Variants in PCDH15 observed in about 807,000 individuals in gnomAD.
The protein encoded by PCDH15 is protocadherin related 15.
In PCDH15, 129 loss-of-function variants were observed where a neutral mutation model predicts 178.5. The observed-to-expected ratio is 0.72, with a 90% CI of 0.63 to 0.84. The LOEUF (loss-of-function observed/expected upper bound fraction) is 0.84. PCDH15 is among the 40% of genes least tolerant of loss of function. The probability of loss-of-function intolerance (pLI) is 0.00; values close to 1 mark genes in which losing one functional copy is unlikely to be tolerated. For missense variants in PCDH15, 2,230 were observed against 2,099.9 expected (o/e 1.06, Z -1.21); for synonymous variants, 800 against 732.0 (o/e 1.09, Z -1.50).
rs2085996668 is a variant in PCDH15, at chr10:53,940,851, T to C, written c.3232+15A>G. ...ACTGGTTGATGGTGAGAACACAAAC[T>C]AAAAGTCTACTCACCTTCTTCATTT... On this transcript the variant is annotated intron_variant, in intron 24 of 37. Transcript: ENST00000644397. 2 of 1,571,604 alleles carry C rather than the reference T, an allele frequency of 1.3e-6. No individual in the cohort carries two copies. The highest frequency in any genetic ancestry group is 2.7e-5 in the African/African-American group (2 of 73,934).
At chr10:55,348,169 A>G (rs1844813587) in intron 2 of PCDH15, among the ~76,000 whole-genome samples, 1 of 152,152 alleles carries the variant, frequency 6.6e-6, no homozygotes, top group Admixed American at 6.6e-5. Flanking sequence ...AATATTATAG[A>G]CATTTAGCTA....
chr10:54,957,218 G>T (rs1435872535), intron 2 of PCDH15, among the ~76,000 whole-genome samples: 10 of 151,448 alleles, frequency 6.6e-5, no homozygotes. Context: ...AATTGTATAG[G>T]CAGAGTAAAT....
chr10:54,012,166 G>A (rs1160569432), intron 20 of PCDH15, among the ~76,000 whole-genome samples: 2 of 152,162 alleles, frequency 1.3e-5, no homozygotes, highest in East Asian at 1.9e-4. Context: ...CAGCAGAAGA[G>A]ACCAAACTAA....
At chr10:54,824,733 C>A (rs980685220) in intron 3 of PCDH15, among the ~76,000 whole-genome samples, 1 of 151,942 alleles carries the variant, frequency 6.6e-6, no homozygotes, top group South Asian at 2.1e-4. Flanking sequence ...TTATTTAACC[C>A]CAAAGCTCAG....
At chr10:53,847,250 C>T (rs1251360766) in intron 28 of PCDH15, among the ~76,000 whole-genome samples, 4 of 152,164 alleles carry the variant, frequency 2.6e-5, no homozygotes, top group African/African-American at 9.6e-5. Flanking sequence ...CTTCAGATTT[C>T]ATGATTATAA....
chr10:55,465,413 A>G (rs1839811486), intron 2 of PCDH15, among the ~76,000 whole-genome samples: 1 of 152,138 alleles, frequency 6.6e-6, no homozygotes, highest in Non-Finnish European at 1.5e-5. Context: ...TTAGCCAGAG[A>G]GAGTACTGGT....
rs552345790 is a variant in PCDH15 at position 54,869,230 on chromosome 10, T to C, written c.-29+28220A>G. ...ACAAAGAAGGCAGGGATTGGAGTTA[T>C]GCAGCTACAAGCCAAAGAATGCCAA... On this transcript the variant is annotated intron_variant, in intron 3 of 5. Transcript: ENST00000458638. 2.0e-5 allele frequency: 3 copies of C among 152,122 alleles called. No individual in the cohort carries two copies. The South Asian group carries it at 6.2e-4, about 31-fold the overall frequency. 9.4% of individuals were successfully genotyped at this position (152,122 alleles called of 1,614,324 possible).
intron 32 of PCDH15, among the ~76,000 whole-genome samples, chr10:53,820,612 T>A (rs2076225750): frequency 6.6e-6 from 1 of 152,070 alleles, no homozygotes; most frequent in Non-Finnish European, 1.5e-5. Context: ...TACATGTGCA[T>A]TCAAAATGTG....
intron 1 of PCDH15, among the ~76,000 whole-genome samples, chr10:55,197,519 T>G (rs1840127190): frequency 6.6e-6 from 1 of 152,136 alleles, no homozygotes; most frequent in Admixed American, 6.5e-5. Flanking sequence ...ATAAGTCATT[T>G]GAACCTTCAG....
intron 1 of PCDH15, among the ~76,000 whole-genome samples, chr10:55,193,156 C>G (rs1393958538): frequency 6.6e-6 from 1 of 151,772 alleles, no homozygotes; most frequent in Non-Finnish European, 1.5e-5. Context: ...ATGTGTCATG[C>G]AGGAATTTTT....
chr10:54,278,534 G>A (rs571193853), intron 8 of PCDH15, among the ~76,000 whole-genome samples: 3 of 151,512 alleles, frequency 2.0e-5, no homozygotes, highest in Non-Finnish European at 4.4e-5. Context: ...TAAGATGATG[G>A]TAAATTAGCA....
chr10:55,209,313 A>G (rs1453479845), intron 1 of PCDH15, among the ~76,000 whole-genome samples: 1 of 152,174 alleles, frequency 6.6e-6, no homozygotes, highest in Non-Finnish European at 1.5e-5. Flanking sequence ...TCTAAGAGCA[A>G]TGAAAAGACA....
At chr10:55,547,908 TGTGAGAGAGA>T (rs1564448159) in intron 2 of PCDH15, among the ~76,000 whole-genome samples, 3 of 35,284 alleles carry the variant, frequency 8.5e-5, no homozygotes, top group African/African-American at 3.8e-4. Context: ...TGTGTGTGTG[TGTGAGAGAGA>T]GAGAGAGAGA....
chr10:55,328,858 A>G (rs529209516), intron 2 of PCDH15, among the ~76,000 whole-genome samples: 1 of 146,670 alleles, frequency 6.8e-6, no homozygotes, highest in Admixed American at 6.9e-5. Flanking sequence ...AGCATCTACA[A>G]ATTTTGGTAT....
intron 13 of PCDH15, among the ~76,000 whole-genome samples, chr10:54,171,655 A>T (rs2046921612): frequency 6.6e-6 from 1 of 152,166 alleles, no homozygotes; most frequent in South Asian, 2.1e-4. Context: ...CTTGAAGTAA[A>T]TAAATAATCT....
intron 3 of PCDH15, among the ~76,000 whole-genome samples, chr10:54,402,624 C>A (rs915274114): frequency 2.6e-5 from 4 of 151,948 alleles, no homozygotes; most frequent in Admixed American, 2.0e-4. Flanking sequence ...GTAATTCATG[C>A]AATATTTCAA....
intron 2 of PCDH15, chr10:54,528,363 G>C: frequency 6.4e-7 from 1 of 1,559,394 alleles, no homozygotes; most frequent in South Asian, 1.2e-5. Context: ...GAGGTTGTTT[G>C]GGGTTTTTAT....
chr10:54,391,720 T>G (rs546632898), intron 3 of PCDH15, among the ~76,000 whole-genome samples: 163 of 152,340 alleles, frequency 1.1e-3, no homozygotes, highest in African/African-American at 3.7e-3. Context: ...TCCCTTCATA[T>G]TCTCCTTTCT....
intron 2 of PCDH15, among the ~76,000 whole-genome samples, chr10:54,577,266 T>G (rs2090577797): frequency 7.2e-6 from 1 of 138,302 alleles, no homozygotes. Flanking sequence ...TTTTTTTTTG[T>G]AATTTTTAGT....
Sources: gnomAD v4.1 joint callset for allele counts (sites outside exome capture counted in the v4.1 genomes callset) on GRCh38, gnomAD v4.1.1 for gene constraint, MANE v1.5 for transcripts, NCBI Gene and HGNC (gene_info 2026-07-23, HGNC 2026-07-21) for gene names.